NRIP1: variants seen among roughly 807,000 people sequenced by gnomAD.
NRIP1 encodes nuclear receptor-interacting protein 1.
A neutral mutation model predicts 75.0 loss-of-function variants in NRIP1; 28 were observed. The observed-to-expected ratio is 0.37, with a 90% confidence interval of 0.28 to 0.51. The LOEUF (loss-of-function observed/expected upper bound fraction) is 0.51. Among genes scored for constraint, NRIP1 ranks in the 20% least tolerant of loss-of-function variants. The probability of loss-of-function intolerance (pLI) is 0.92; values close to 1 mark genes in which losing one functional copy is unlikely to be tolerated. For missense variants in NRIP1, 1,435 were observed against 1,343.7 expected (o/e 1.07, Z -1.06); for synonymous variants, 526 against 487.6 (o/e 1.08, Z -1.04).
chr21:15,035,659 C>T (rs1458016997), intron 2 of NRIP1, among the ~76,000 whole-genome samples: 1 of 151,068 alleles, frequency 6.6e-6, no homozygotes, highest in Non-Finnish European at 1.5e-5. Flanking sequence ...TGGGTTCAAG[C>T]ATTTCTCCTG....
intron 1 of NRIP1, chr21:15,050,785 G>A: frequency 2.2e-6 from 1 of 456,050 alleles, no homozygotes; most frequent in South Asian, 1.5e-5. Context: ...AGAAGGCAAA[G>A]GACTCAGCGT....
chr21:14,983,553 A>C (rs1410148869), intron 3 of NRIP1, among the ~76,000 whole-genome samples: 2 of 151,614 alleles, frequency 1.3e-5, no homozygotes, highest in African/African-American at 4.9e-5. Flanking sequence ...ATAAATGATG[A>C]AGGTGGTTAC....
rs139218138 is a variant in NRIP1, at chr21:14,966,064, C to A, written c.2129G>T (p.Arg710Leu). Residue 710 changes from arginine to leucine, a missense_variant, in exon 4 of 4, where the codon CGT becomes CTT. Transcript: ENST00000318948. ...GSEIENLLER[R>L]TVLQLLLGNP... ...CCCCAGGAGCAACTGGAGGACAGTA[C>A]GTCTTTCAAGCAGATTTTCTATTTC... The A allele has an allele frequency of 1.2e-6, 2 of 1,612,432 alleles. No homozygotes were observed. The highest frequency in any genetic ancestry group is 1.7e-6 in the Non-Finnish European group (2 of 1,179,950).
At chr21:15,010,840 G>C (rs1280921226) in intron 3 of NRIP1, among the ~76,000 whole-genome samples, 1 of 152,174 alleles carries the variant, frequency 6.6e-6, no homozygotes, top group Non-Finnish European at 1.5e-5. Flanking sequence ...GGAATTAAGA[G>C]TGGATGGAAG....
At chr21:15,046,428 G>C (rs2089076400) in intron 1 of NRIP1, among the ~76,000 whole-genome samples, 1 of 152,086 alleles carries the variant, frequency 6.6e-6, no homozygotes, top group Non-Finnish European at 1.5e-5. Context: ...CTCAAGAGGG[G>C]GCCTAAAATA....
chr21:15,019,398 C>T (rs770628951), intron 2 of NRIP1, among the ~76,000 whole-genome samples: 3 of 135,454 alleles, frequency 2.2e-5, no homozygotes, highest in Non-Finnish European at 3.1e-5. Flanking sequence ...AAGGACTCTA[C>T]AAGAAACCCA....
intron 1 of NRIP1, among the ~76,000 whole-genome samples, chr21:15,060,397 T>C (rs1416611885): frequency 1.3e-5 from 2 of 152,240 alleles, no homozygotes; most frequent in South Asian, 4.1e-4. Flanking sequence ...CCCCCTACCA[T>C]GAATCATAGG....
Position 14,973,843 on chromosome 21 carries a change from A to ATTT in NRIP1, c.-334-5320_-334-5318dup, listed in dbSNP as rs11391044. Among the ~76,000 whole-genome samples, 1,045 of 129,810 alleles carry ATTT rather than the reference A, an allele frequency of 8.1e-3. 18 individuals are homozygous for ATTT. The highest frequency in any genetic ancestry group is 0.02 in the African/African-American group (668 of 33,908). 85.2% of individuals were successfully genotyped at this position (129,810 alleles called of 152,430 possible). A position where few individuals can be genotyped will look rare whatever the true frequency, so the allele number is the denominator to read the frequency against. ...AGGTGTGTGCCACCATGCAGAGCTG[A>ATTT]TTTTTTTTTTTTTTTTTTCCTGTGG... is the stretch of plus-strand genomic sequence containing the variant. On this transcript the variant is annotated intron_variant, in intron 3 of 3. Coordinates refer to ENST00000318948, the MANE Select transcript of NRIP1 (RefSeq NM_003489.4).
chr21:15,058,097 A>C (rs1367525270), intron 1 of NRIP1, among the ~76,000 whole-genome samples: 2 of 152,208 alleles, frequency 1.3e-5, no homozygotes, highest in African/African-American at 2.4e-5. Context: ...AGAATTTAGA[A>C]ATCAAATATA....
chr21:15,035,145 A>C (rs958234271), intron 2 of NRIP1, among the ~76,000 whole-genome samples: 1 of 152,178 alleles, frequency 6.6e-6, no homozygotes, highest in Admixed American at 6.5e-5. Flanking sequence ...ATACTATTCT[A>C]TTTAACTGTG....
intron 3 of NRIP1, among the ~76,000 whole-genome samples, chr21:14,983,527 G>T (rs1490562258): frequency 2.6e-5 from 4 of 152,042 alleles, no homozygotes; most frequent in African/African-American, 9.7e-5. Context: ...AAAGCCAGAA[G>T]ATCCAGCTGA....
intron 3 of NRIP1, among the ~76,000 whole-genome samples, chr21:15,013,710 C>T (rs376749053): frequency 8.5e-5 from 13 of 152,278 alleles, no homozygotes; most frequent in African/African-American, 2.9e-4. Flanking sequence ...ACTTGCTCAT[C>T]GTCTTTTTTG....
In NRIP1 at chr21:14,988,943, G is replaced by A. The variant is rs576424726; in HGVS notation, c.-334-20417C>T. Among the ~76,000 whole-genome samples the A allele has an allele frequency of 1.6e-4, 24 of 151,774 alleles. No individual in the cohort carries two copies. In the East Asian group the frequency reaches 4.3e-3, roughly 27 times the overall value. On this transcript the variant is annotated intron_variant, in intron 3 of 3. Coordinates refer to ENST00000318948, the MANE Select transcript of NRIP1 (RefSeq NM_003489.4). Reference sequence around the variant, plus strand: ...TGAGGGAGGCAAAACGAGGAGAGGAGAGGAGAGGAGAGGGAAGGGACAGCA... The same window carrying A: ...TGAGGGAGGCAAAACGAGGAGAGGAAAGGAGAGGAGAGGGAAGGGACAGCA...
At chr21:15,009,404 C>T (rs926460366) in intron 3 of NRIP1, among the ~76,000 whole-genome samples, 10 of 152,170 alleles carry the variant, frequency 6.6e-5, no homozygotes, top group South Asian at 4.2e-4. Flanking sequence ...ACAATCTCAT[C>T]GGGAAAAAAC....
Position 14,966,796 on chromosome 21 carries a change from G to T in NRIP1, c.1397C>A (p.Ser466Tyr). 1 of 1,614,110 alleles carries T rather than the reference G, an allele frequency of 6.2e-7. No individual in the cohort carries two copies. Among genetic ancestry groups the T allele is most frequent in the Non-Finnish European group, 8.5e-7 (1 of 1,179,994 alleles). The stretch of plus-strand genomic sequence containing the variant: ...TTTTGGATCCCAAGTGTTTAGCAAG[G>T]ATTGAGTGAAGTTATCCAGGGAAAC... The part of the protein sequence containing the change: ...QPVSLDNFTQ[S>Y]LLNTWDPKVP... Residue 466 changes from serine to tyrosine, a missense_variant, in exon 4 of 4, where the codon TCC becomes TAC. Physicochemically the swap from Ser to Tyr is moderately radical, Grantham distance 144 (BLOSUM62 -2). Coordinates refer to ENST00000318948, the MANE Select transcript of NRIP1 (RefSeq NM_003489.4).
At position 15,014,463 on chromosome 21, in the gene NRIP1, G is replaced by A. The variant is rs1311373928; in HGVS notation, c.-454C>T. The A allele has an allele frequency of 2.5e-6, 1 of 398,272 alleles. No homozygotes were observed. The highest frequency in any genetic ancestry group is 4.4e-6 in the Non-Finnish European group (1 of 225,932). The allele number at this position is 398,272 out of a possible 1,614,324, so 24.7% of individuals were successfully genotyped here. ...TCCCTGTCCTCCTTCAGTCAAGTGT[G>A]CATCTTAACAAGAGGGAAAAGATAG... is the stretch of plus-strand genomic sequence containing the variant. On this transcript the variant is annotated 5_prime_UTR_variant, in exon 3 of 4. Coordinates refer to ENST00000318948, the MANE Select transcript of NRIP1 (RefSeq NM_003489.4).
intron 1 of NRIP1, among the ~76,000 whole-genome samples, chr21:15,058,075 A>T (rs536562662): frequency 2.1e-3 from 320 of 152,342 alleles, no homozygotes; most frequent in African/African-American, 7.5e-3. Context: ...ACTGCTGTAC[A>T]GTCAGAATTT....
At chr21:14,998,861 G>A (rs1325904761) in intron 3 of NRIP1, among the ~76,000 whole-genome samples, 5 of 152,106 alleles carry the variant, frequency 3.3e-5, no homozygotes, top group African/African-American at 9.7e-5. Context: ...GAGGCTTCTG[G>A]TCAACAGTAG....
At chr21:15,021,123 A>C (rs1040180067) in intron 2 of NRIP1, among the ~76,000 whole-genome samples, 1 of 152,220 alleles carries the variant, frequency 6.6e-6, no homozygotes, top group African/African-American at 2.4e-5. Context: ...TGGTGATATC[A>C]GCATCAATCA....
Sources: gnomAD v4.1 joint callset for allele counts (sites outside exome capture counted in the v4.1 genomes callset) on GRCh38, gnomAD v4.1.1 for gene constraint, MANE v1.5 for transcripts, NCBI Gene and HGNC (gene_info 2026-07-23, HGNC 2026-07-21) for gene names.